Variants in PCDHA9 observed in about 807,000 individuals in gnomAD.
PCDHA9 encodes the protein protocadherin alpha-9.
Under a neutral mutation model 62.0 loss-of-function variants are expected in PCDHA9, and 62 were observed. The ratio of observed to expected loss-of-function variants is 1.00; its 90% CI spans 0.81 to 1.23. The LOEUF (loss-of-function observed/expected upper bound fraction) is 1.23. PCDHA9 is among the 50% of genes most tolerant of loss of function. The probability of loss-of-function intolerance (pLI) is 0.00; values close to 1 mark genes in which losing one functional copy is unlikely to be tolerated. For missense variants in PCDHA9, 1,205 were observed against 1,249.8 expected (o/e 0.96, Z 0.54); for synonymous variants, 557 against 567.6 (o/e 0.98, Z 0.27).
intron 1 of PCDHA9, chr5:140,967,921 C>T (rs781932025): frequency 6.2e-6 from 10 of 1,614,172 alleles, no homozygotes; most frequent in South Asian, 4.4e-5. Flanking sequence ...CCATTGTGGC[C>T]GTTCTCAGTG....
At chr5:140,900,546 G>A (rs1430203463) in intron 1 of PCDHA9, among the ~76,000 whole-genome samples, 3 of 152,162 alleles carry the variant, frequency 2.0e-5, no homozygotes, top group East Asian at 1.9e-4. Context: ...CAAAGTGCTG[G>A]GATTACAGGC....
chr5:140,877,964 T>C lies in PCDHA9; in HGVS notation c.2394+27075T>C, dbSNP rs1582419472. On this transcript the variant is annotated intron_variant, in intron 1 of 3. Coordinates refer to ENST00000532602, the MANE Select transcript of PCDHA9 (RefSeq NM_031857.2). ...AAACTATCGAATGTCTCATCTTTCTTGGTCATTCTTACTCATTTTGAACTT... is the reference window on the plus strand; with the variant it reads ...AAACTATCGAATGTCTCATCTTTCTCGGTCATTCTTACTCATTTTGAACTT... 3 of 1,310,338 alleles carry C rather than the reference T, an allele frequency of 2.3e-6. No individual in the cohort carries two copies. The East Asian group carries it at 7.9e-5, about 34-fold the overall frequency. 81.2% of individuals were successfully genotyped at this position (1,310,338 alleles called of 1,614,324 possible). A position where few individuals can be genotyped will look rare whatever the true frequency, so the allele number is the denominator to read the frequency against.
chr5:141,008,040 T>C (rs1408807855), intron 3 of PCDHA9, among the ~76,000 whole-genome samples: 1 of 152,200 alleles, frequency 6.6e-6, no homozygotes, highest in Admixed American at 6.5e-5. Context: ...ATCTGCCTTT[T>C]GTAACAGGGG....
rs1489456152 is a variant in PCDHA9 at position 140,857,912 on chromosome 5, C to T, written c.2394+7023C>T. On this transcript the variant is annotated intron_variant, in intron 1 of 3. Transcript: ENST00000532602. ...GGCGGTTGGTGCACGCATCCCGTTT[C>T]GCGTGGGGCTGTACACGGGCGAGAT... is the stretch of plus-strand genomic sequence containing the variant. 3.1e-6 allele frequency: 5 copies of T among 1,597,650 alleles called. 1 individual carries two copies. In the Admixed American group the frequency reaches 6.7e-5, roughly 22 times the overall value.
intron 1 of PCDHA9, chr5:140,927,826 G>T (rs782694866): frequency 2.5e-6 from 4 of 1,614,076 alleles, no homozygotes; most frequent in Middle Eastern, 3.3e-4. Flanking sequence ...ATACATTGAG[G>T]CGAGGGACGA....
intron 1 of PCDHA9, among the ~76,000 whole-genome samples, chr5:140,905,993 TG>T (rs1314051308): frequency 6.6e-6 from 1 of 152,176 alleles, no homozygotes; most frequent in African/African-American, 2.4e-5. Flanking sequence ...AGATGTAGGC[TG>T]GGAGGCTAAG....
chr5:140,865,412 A>C (rs1347341740), intron 1 of PCDHA9: 2 of 152,242 alleles, frequency 1.3e-5, no homozygotes, highest in Non-Finnish European at 2.9e-5. Context: ...AAAAGGAATT[A>C]GTAGTGTCTA....
chr5:140,981,443 G>A lies in PCDHA9; in HGVS notation c.2454-1032G>A, dbSNP rs530782878. ...ACAAAAATGAGCCAGGCATGGTGGC[G>A]GGTGCCTGTAGTCCCAGCTACTTGG... On this transcript the variant is annotated intron_variant, in intron 2 of 3. Transcript: ENST00000532602. Among the ~76,000 whole-genome samples, 6 of 152,126 alleles carry A rather than the reference G, an allele frequency of 3.9e-5. No homozygotes were observed. The Middle Eastern group carries it at 0.01, about 259-fold the overall frequency.
chr5:141,011,894 TATC>T lies in PCDHA9; in HGVS notation c.*1958_*1960del, dbSNP rs1554263691. 6.5e-6 allele frequency: 1 copy of T among 153,306 alleles called. No individual in the cohort carries two copies. The highest frequency in any genetic ancestry group is 2.4e-5 in the African/African-American group (1 of 41,080). 9.5% of individuals were successfully genotyped at this position (153,306 alleles called of 1,614,324 possible). On this transcript the variant is annotated 3_prime_UTR_variant, in exon 4 of 4. Transcript: ENST00000532602. Reference sequence around the variant, plus strand: ...AATTTAGAAGTTTGATTAATTATATTATCTATTTAGGCATTAATATAAAAGAGG... The same window carrying T: ...AATTTAGAAGTTTGATTAATTATATTTATTTAGGCATTAATATAAAAGAGG...
At chr5:140,967,789 T>A (rs782032459) in intron 1 of PCDHA9, 2 of 1,614,076 alleles carry the variant, frequency 1.2e-6, no homozygotes, top group Non-Finnish European at 1.7e-6. Context: ...CTGACCGGGG[T>A]CCAGTGCCCA....
intron 1 of PCDHA9, among the ~76,000 whole-genome samples, chr5:140,923,305 G>T (rs552769255): frequency 2.6e-5 from 4 of 152,186 alleles, no homozygotes; most frequent in Non-Finnish European, 5.9e-5. Context: ...GGGCGTGGGG[G>T]CGCTTGGCCT....
intron 3 of PCDHA9, among the ~76,000 whole-genome samples, chr5:140,997,130 C>T (rs1480730795): frequency 6.6e-6 from 1 of 151,984 alleles, no homozygotes; most frequent in Non-Finnish European, 1.5e-5. Flanking sequence ...TACACAATGC[C>T]CCCACACCCC....
At chr5:140,871,308 G>A (rs1554165414) in intron 1 of PCDHA9, 2 of 1,613,998 alleles carry the variant, frequency 1.2e-6, no homozygotes, top group Admixed American at 1.7e-5. Flanking sequence ...CGCCGGGGAA[G>A]CCCACGCTGG....
At chr5:140,972,170 C>G (rs1001419960) in intron 1 of PCDHA9, among the ~76,000 whole-genome samples, 2 of 152,034 alleles carry the variant, frequency 1.3e-5, no homozygotes, top group African/African-American at 4.8e-5. Flanking sequence ...GAGACAGAGT[C>G]TTGGCCTGTC....
chr5:140,862,675 G>A, intron 1 of PCDHA9: 1 of 550,422 alleles, frequency 1.8e-6, no homozygotes, highest in South Asian at 1.4e-5. Context: ...GCAGGAGAAC[G>A]TGCTGGTGTC....
chr5:140,893,432 C>T (rs1280374649), intron 1 of PCDHA9, among the ~76,000 whole-genome samples: 5 of 151,946 alleles, frequency 3.3e-5, no homozygotes, highest in Non-Finnish European at 7.4e-5. Flanking sequence ...GCAGGAAGAT[C>T]GCTTGAAGCC....
intron 1 of PCDHA9, among the ~76,000 whole-genome samples, chr5:140,931,344 A>G (rs1233861770): frequency 6.6e-6 from 1 of 151,910 alleles, no homozygotes; most frequent in East Asian, 1.9e-4. Flanking sequence ...GGAGTGAGGA[A>G]TTTTTTTTAG....
At chr5:140,850,915 T>G (rs2041875502) in intron 1 of PCDHA9, 26 bp downstream of exon 1, 1 of 1,529,718 alleles carries the variant, frequency 6.5e-7, no homozygotes. Flanking sequence ...ATTTTATTTA[T>G]TTATATAATT....
intron 1 of PCDHA9, chr5:140,853,806 A>T: frequency 4.1e-6 from 4 of 986,824 alleles, no homozygotes; most frequent in Non-Finnish European, 4.9e-6. Context: ...TTTAAAGCAC[A>T]CCTGAGATGA....
Sources: gnomAD v4.1 joint callset for allele counts (sites outside exome capture counted in the v4.1 genomes callset) on GRCh38, gnomAD v4.1.1 for gene constraint, MANE v1.5 for transcripts, NCBI Gene and HGNC (gene_info 2026-07-23, HGNC 2026-07-21) for gene names.